The following CTTNBP2NL variants were observed in gnomAD, a reference collection of about 807,000 sequenced individuals.
CTTNBP2NL encodes CTTNBP2 N-terminal-like protein.
Under a neutral mutation model 32.5 loss-of-function variants are expected in CTTNBP2NL, and 16 were observed. The ratio of observed to expected loss-of-function variants is 0.49; its 90% CI spans 0.33 to 0.75. The LOEUF (loss-of-function observed/expected upper bound fraction) is 0.75. CTTNBP2NL is among the 30% of genes least tolerant of loss of function. The pLI, the probability that CTTNBP2NL is intolerant of heterozygous loss-of-function variation, is 0.02. For synonymous variants in CTTNBP2NL, 298 were observed against 289.4 expected, an observed-to-expected ratio of 1.03 and a Z score of -0.30; for missense variants, 645 against 756.0, an observed-to-expected ratio of 0.85 and a Z score of 1.72.
chr1:112,449,227 C>A, intron 4 of CTTNBP2NL, 55 bp downstream of exon 4: 1 of 1,020,778 alleles, frequency 9.8e-7, no homozygotes, highest in African/African-American at 1.6e-5. Flanking sequence ...TAAATTATGC[C>A]TGATACTTTC....
intron 3 of CTTNBP2NL, among the ~76,000 whole-genome samples, chr1:112,443,777 A>T (rs1414980921): frequency 1.3e-5 from 2 of 152,238 alleles, no homozygotes; most frequent in Non-Finnish European, 2.9e-5. Context: ...CAAACATTAA[A>T]ATCTAGTTCT....
At chr1:112,432,351 G>A (rs529583114) in intron 3 of CTTNBP2NL, among the ~76,000 whole-genome samples, 185 of 152,088 alleles carry the variant, frequency 1.2e-3, no homozygotes, top group Middle Eastern at 6.8e-3. Flanking sequence ...GTGAGCCACC[G>A]CGCCGGGCCT....
chr1:112,457,053 C>T lies in CTTNBP2NL; in HGVS notation c.1561C>T (p.Pro521Ser), dbSNP rs1254777100. ...CACTAGCCAACAAGGGCCAATCAAGCCAGTCTCTCCCAACAGCTCTCCCTT... is the reference window on the plus strand; with the variant it reads ...CACTAGCCAACAAGGGCCAATCAAGTCAGTCTCTCCCAACAGCTCTCCCTT... ...RFTSQQGPIK[P>S]VSPNSSPFGT... The change falls in exon 6 of 6, where the codon CCA (proline) becomes TCA (serine). Residue 521 changes from proline to serine, a missense_variant. By Grantham distance (74) the Pro-to-Ser change is moderately conservative. Coordinates refer to ENST00000271277, the MANE Select transcript of CTTNBP2NL (RefSeq NM_018704.3). The T allele has an allele frequency of 1.9e-6, 3 of 1,614,036 alleles. No homozygotes were observed. In the African/African-American group the frequency reaches 4.0e-5, roughly 22 times the overall value.
At chr1:112,394,561 T>C (rs1557880707), upstream of CTTNBP2NL, among the ~76,000 whole-genome samples, 2 of 152,228 alleles carry the variant, frequency 1.3e-5, no homozygotes, top group Admixed American at 6.5e-5. Flanking sequence ...TTTCTGAAGT[T>C]CAGTATACCC....
chr1:112,457,072 C>T lies in CTTNBP2NL; in HGVS notation c.1580C>T (p.Ser527Phe), dbSNP rs201802276. The T allele has an allele frequency of 1.9e-6, 3 of 1,614,204 alleles. No individual in the cohort carries two copies. Among genetic ancestry groups the T allele is most frequent in the South Asian group, 1.1e-5 (1 of 91,084 alleles). The change falls in exon 6 of 6, where the codon TCT (serine) becomes TTT (phenylalanine). Residue 527 changes from serine to phenylalanine, a missense_variant. Coordinates refer to ENST00000271277, the MANE Select transcript of CTTNBP2NL (RefSeq NM_018704.3). ...ATCAAGCCAGTCTCTCCCAACAGCT[C>T]TCCCTTTGGCACAGACTATCGAAAT... ...GPIKPVSPNS[S>F]PFGTDYRNLA...
intron 3 of CTTNBP2NL, among the ~76,000 whole-genome samples, chr1:112,447,085 T>C (rs1288927493): frequency 2.0e-5 from 3 of 151,832 alleles, no homozygotes; most frequent in Non-Finnish European, 4.4e-5. Flanking sequence ...CCATCCTGGC[T>C]AACATGGTGA....
chr1:112,434,082 G>A (rs1649656228), intron 3 of CTTNBP2NL, among the ~76,000 whole-genome samples: 1 of 152,112 alleles, frequency 6.6e-6, no homozygotes, highest in African/African-American at 2.4e-5. Context: ...TTAGCTGAAT[G>A]AATAATACAT....
chr1:112,391,675 C>T (rs192558680), upstream of CTTNBP2NL, among the ~76,000 whole-genome samples: 400 of 152,252 alleles, frequency 2.6e-3, 3 homozygotes, highest in African/African-American at 9.0e-3. Context: ...CCACTATTCC[C>T]GCTTCTCTTG....
chr1:112,442,284 G>A (rs945249629), intron 3 of CTTNBP2NL, among the ~76,000 whole-genome samples: 3 of 152,112 alleles, frequency 2.0e-5, no homozygotes, highest in African/African-American at 4.8e-5. Flanking sequence ...CGCCATGCCT[G>A]GCTAATTTTT....
At chr1:112,412,634 T>TTG (rs1648907291) in intron 2 of CTTNBP2NL, among the ~76,000 whole-genome samples, 2 of 144,208 alleles carry the variant, frequency 1.4e-5, no homozygotes, top group African/African-American at 5.4e-5. Context: ...TTTTTTTTTT[T>TTG]GACACAGAGT....
chr1:112,454,346 C>A, intron 4 of CTTNBP2NL, 103 bp from the exon 5 acceptor site: 1 of 776,050 alleles, frequency 1.3e-6, no homozygotes, highest in Admixed American at 2.4e-5. Flanking sequence ...TTTGTTTGAT[C>A]TCTGGAACTA....
At chr1:112,412,608 CTTTTTTTTTTTT>C (rs35667800) in intron 2 of CTTNBP2NL, among the ~76,000 whole-genome samples, 1 of 88,922 alleles carries the variant, frequency 1.1e-5, no homozygotes. Context: ...GAGTTGGTAC[CTTTTTTTTTTTT>C]TTTTTTTTTT....
intron 3 of CTTNBP2NL, among the ~76,000 whole-genome samples, chr1:112,437,991 A>G (rs1381707901): frequency 1.3e-5 from 2 of 152,136 alleles, no homozygotes; most frequent in African/African-American, 4.8e-5. Flanking sequence ...TTCTGTTGCA[A>G]TTGCATTTGG....
intron 3 of CTTNBP2NL, among the ~76,000 whole-genome samples, chr1:112,433,778 TCTTA>T (rs1380714667): frequency 6.6e-6 from 1 of 152,228 alleles, no homozygotes; most frequent in African/African-American, 2.4e-5. Context: ...TTGTTCTGTT[TCTTA>T]CTTTTTATAA....
intron 1 of CTTNBP2NL, among the ~76,000 whole-genome samples, chr1:112,403,320 C>T (rs1648558684): frequency 6.6e-6 from 1 of 152,136 alleles, no homozygotes; most frequent in South Asian, 2.1e-4. Flanking sequence ...TGAGTGGCTT[C>T]CCATTTTCTA....
chr1:112,446,174 T>C (rs183224367), intron 3 of CTTNBP2NL, among the ~76,000 whole-genome samples: 123 of 142,942 alleles, frequency 8.6e-4, no homozygotes, highest in African/African-American at 3.0e-3. Context: ...TTTCTATTTT[T>C]CTAAACATGG....
At chr1:112,392,866 G>GT (rs1648218841), upstream of CTTNBP2NL, among the ~76,000 whole-genome samples, 1 of 151,710 alleles carries the variant, frequency 6.6e-6, no homozygotes, top group South Asian at 2.1e-4. Context: ...TTGTTTGTTT[G>GT]TTTTTTTGAG....
chr1:112,411,086 G>A (rs1648849985), intron 1 of CTTNBP2NL, among the ~76,000 whole-genome samples: 1 of 152,126 alleles, frequency 6.6e-6, no homozygotes, highest in African/African-American at 2.4e-5. Context: ...CTTATGCAGT[G>A]GTTTGTGTAT....
At chr1:112,407,250 C>T (rs72697071) in intron 1 of CTTNBP2NL, among the ~76,000 whole-genome samples, 9,045 of 152,248 alleles carry the variant, frequency 0.059, 292 homozygotes, top group Non-Finnish European at 0.079. Flanking sequence ...TTCTAATCAT[C>T]TGTCAAAGTA....
Sources: gnomAD v4.1 joint callset for allele counts (sites outside exome capture counted in the v4.1 genomes callset) on GRCh38, gnomAD v4.1.1 for gene constraint, MANE v1.5 for transcripts, NCBI Gene and HGNC (gene_info 2026-07-23, HGNC 2026-07-21) for gene names.